PHACTR3: variants seen among roughly 807,000 people sequenced by gnomAD.
PHACTR3 encodes protein phosphatase 1, regulatory subunit 123.
A neutral mutation model predicts 66.8 loss-of-function variants in PHACTR3; 16 were observed. The observed-to-expected ratio is 0.24, with a 90% confidence interval of 0.16 to 0.36. The LOEUF is 0.36. Among genes scored for constraint, PHACTR3 ranks in the 10% least tolerant of loss-of-function variants. The pLI is 1.00. For synonymous variants in PHACTR3, 323 were observed against 292.1 expected, an observed-to-expected ratio of 1.11 and a Z score of -1.08; for missense variants, 647 against 719.9, an observed-to-expected ratio of 0.90 and a Z score of 1.16.
At chr20:59,761,394 G>T (rs985828824) in intron 4 of PHACTR3, among the ~76,000 whole-genome samples, 5 of 152,282 alleles carry the variant, frequency 3.3e-5, no homozygotes, top group African/African-American at 9.6e-5. Context: ...ACAGCCAGCT[G>T]CCCAAGCTGA....
At chr20:59,743,303 G>T (rs1389657684) in intron 2 of PHACTR3, 35 bp downstream of exon 2, 43 of 1,610,006 alleles carry the variant, frequency 2.7e-5, no homozygotes, top group Non-Finnish European at 3.6e-5. Flanking sequence ...GCAGGCTGTG[G>T]CTGGGACCAG....
intron 8 of PHACTR3, among the ~76,000 whole-genome samples, chr20:59,808,592 G>C (rs1159730456): frequency 6.6e-6 from 1 of 152,202 alleles, no homozygotes; most frequent in East Asian, 1.9e-4. Flanking sequence ...CAGTGCCCCA[G>C]GGGTGAGGGG....
chr20:59,737,535 C>CATGTGTGTGT (rs1237023567), intron 1 of PHACTR3, among the ~76,000 whole-genome samples: 1 of 151,348 alleles, frequency 6.6e-6, no homozygotes, highest in Non-Finnish European at 1.5e-5. Context: ...TATGTGTGTG[C>CATGTGTGTGT]GTGCATGTGC....
intron 1 of PHACTR3, chr20:59,721,105 C>G (rs1386020329): frequency 1.3e-5 from 2 of 152,228 alleles, no homozygotes; most frequent in Non-Finnish European, 2.9e-5. Flanking sequence ...CTTACAGCCA[C>G]TATTTGTGGC....
At chr20:59,613,247 C>G (rs1363679751) in intron 1 of PHACTR3, among the ~76,000 whole-genome samples, 1 of 152,214 alleles carries the variant, frequency 6.6e-6, no homozygotes, top group African/African-American at 2.4e-5. Flanking sequence ...TAAAGGTTTT[C>G]CTTCCACCAG....
intron 7 of PHACTR3, among the ~76,000 whole-genome samples, chr20:59,790,438 G>A (rs538394051): frequency 4.8e-4 from 73 of 152,346 alleles, no homozygotes; most frequent in Non-Finnish European, 7.2e-4. Flanking sequence ...TAGGGATCAA[G>A]CTGATGGAAA....
At chr20:59,617,184 T>C (rs931172189) in intron 1 of PHACTR3, among the ~76,000 whole-genome samples, 1 of 152,324 alleles carries the variant, frequency 6.6e-6, no homozygotes, top group South Asian at 2.1e-4. Context: ...TAAATATTGA[T>C]TGACTCTTGG....
intron 1 of PHACTR3, among the ~76,000 whole-genome samples, chr20:59,733,611 A>G (rs2038845107): frequency 6.6e-6 from 1 of 152,094 alleles, no homozygotes; most frequent in South Asian, 2.1e-4. Context: ...AGAGGGGCGG[A>G]GTTGTCAAAG....
intron 1 of PHACTR3, among the ~76,000 whole-genome samples, chr20:59,698,750 C>A (rs1382336207): frequency 2.6e-5 from 4 of 152,160 alleles, no homozygotes; most frequent in Non-Finnish European, 5.9e-5. Flanking sequence ...TTGCAGCAAA[C>A]ATTTATTAAT....
At chr20:59,621,140 G>A (rs1393688442) in intron 1 of PHACTR3, among the ~76,000 whole-genome samples, 3 of 152,350 alleles carry the variant, frequency 2.0e-5, no homozygotes, top group East Asian at 3.9e-4. Flanking sequence ...CCAGGGCCTC[G>A]CCTCTGCTGA....
chr20:59,721,880 CAGAAA>C (rs1243414772), intron 1 of PHACTR3, among the ~76,000 whole-genome samples: 1 of 152,018 alleles, frequency 6.6e-6, no homozygotes, highest in Non-Finnish European at 1.5e-5. Context: ...TGTATTCCAA[CAGAAA>C]AGAAAAGAAA....
intron 1 of PHACTR3, among the ~76,000 whole-genome samples, chr20:59,674,509 C>CCCTTCTCCTGTCCTCT (rs2036329901): frequency 7.8e-6 from 1 of 127,446 alleles, no homozygotes; most frequent in African/African-American, 3.3e-5. Flanking sequence ...TCCTGTTCCC[C>CCCTTCTCCTGTCCTCT]CTTCTCCTGT....
At chr20:59,662,285 G>T (rs2035834122) in intron 1 of PHACTR3, among the ~76,000 whole-genome samples, 1 of 152,154 alleles carries the variant, frequency 6.6e-6, no homozygotes, top group Non-Finnish European at 1.5e-5. Flanking sequence ...GGGGCATTTA[G>T]CAGGGAGATT....
At chr20:59,680,198 CAGT>C (rs141681148) in intron 1 of PHACTR3, among the ~76,000 whole-genome samples, 4,110 of 152,170 alleles carry the variant, frequency 0.027, 74 homozygotes, top group Middle Eastern at 0.065. Flanking sequence ...CTGTTAACCT[CAGT>C]AGGGAAGGTA....
intron 1 of PHACTR3, chr20:59,628,186 C>T (rs1432550740): frequency 6.6e-6 from 1 of 152,244 alleles, no homozygotes; most frequent in East Asian, 1.9e-4. Context: ...CTCATGTCCT[C>T]CTCCCAAGAT....
intron 1 of PHACTR3, among the ~76,000 whole-genome samples, chr20:59,664,470 G>C (rs759452930): frequency 1.3e-5 from 2 of 152,078 alleles, no homozygotes; most frequent in Non-Finnish European, 2.9e-5. Flanking sequence ...TCTCGTAGCC[G>C]TTTCCTGGTG....
intron 8 of PHACTR3, among the ~76,000 whole-genome samples, chr20:59,813,517 G>A (rs138151273): frequency 9.2e-5 from 14 of 152,312 alleles, no homozygotes; most frequent in Middle Eastern, 3.4e-3. Flanking sequence ...TTCATGTAGC[G>A]TGCACGTGCT....
intron 1 of PHACTR3, among the ~76,000 whole-genome samples, chr20:59,644,305 G>A (rs6070887): frequency 7.2e-5 from 11 of 152,202 alleles, no homozygotes; most frequent in Non-Finnish European, 1.2e-4. Flanking sequence ...ATTGCATTTC[G>A]AAGTGAAAAA....
intron 1 of PHACTR3, among the ~76,000 whole-genome samples, chr20:59,676,061 A>G (rs2036439281): frequency 6.6e-6 from 1 of 152,194 alleles, no homozygotes; most frequent in Non-Finnish European, 1.5e-5. Context: ...ACTTGGCTCC[A>G]GGCAGCCTCC....
Sources: allele counts gnomAD v4.1 joint callset (sites outside exome capture counted in the v4.1 genomes callset), GRCh38; gene constraint gnomAD v4.1.1; transcripts MANE v1.5; gene names NCBI Gene and HGNC (gene_info 2026-07-23, HGNC 2026-07-21).